Variants in FHIP1A observed in about 807,000 individuals in gnomAD.
The protein encoded by FHIP1A is FHF complex subunit HOOK interacting protein 1A.
FHIP1A carries 61 observed loss-of-function variants against 88.6 expected under a neutral mutation model. The observed-to-expected ratio is 0.69, with a 90% CI of 0.56 to 0.85. The LOEUF is 0.85. Ranked by LOEUF, FHIP1A falls within the 40% of genes least tolerant of loss-of-function variation. The pLI, the probability that FHIP1A is intolerant of heterozygous loss-of-function variation, is 0.00. For missense variants in FHIP1A, 1,154 were observed against 1,273.5 expected (o/e 0.91, Z 1.43); for synonymous variants, 478 against 496.0 (o/e 0.96, Z 0.48).
intron 7 of FHIP1A, among the ~76,000 whole-genome samples, chr4:151,589,671 CCCACCATT>C (rs1734351114): frequency 6.6e-6 from 1 of 152,138 alleles, no homozygotes; most frequent in Non-Finnish European, 1.5e-5. Context: ...TGATGGAATG[CCCACCATT>C]CTGCATCCTG....
At chr4:151,426,391 A>T (rs1235125505) in intron 1 of FHIP1A, among the ~76,000 whole-genome samples, 1 of 152,164 alleles carries the variant, frequency 6.6e-6, no homozygotes, top group African/African-American at 2.4e-5. Flanking sequence ...GACTGCAGAT[A>T]TCCTGGCTAA....
At chr4:151,574,637 C>G (rs1311140416) in intron 4 of FHIP1A, among the ~76,000 whole-genome samples, 1 of 151,848 alleles carries the variant, frequency 6.6e-6, no homozygotes, top group East Asian at 1.9e-4. Context: ...CTTTTTTGGG[C>G]ATTAGTACAT....
At chr4:151,538,675 C>G (rs1732158724) in intron 3 of FHIP1A, among the ~76,000 whole-genome samples, 1 of 152,132 alleles carries the variant, frequency 6.6e-6, no homozygotes, top group Non-Finnish European at 1.5e-5. Context: ...TCTGGTGTTG[C>G]CAGAAACTAA....
rs1243769317 is a variant in FHIP1A, at chr4:151,650,336, C to T, written c.2295C>T (p.Gly765=). ...AAATCATTAAAGAGCTGGATTCCGG[C>T]GCCGAGGGCTTGATGGAACAGAATT... is the stretch of plus-strand genomic sequence containing the variant. The part of the protein sequence containing the change: ...YDQIIKELDS[G]AEGLMEQNYP... Residue 765 remains glycine, a synonymous_variant, in exon 11 of 14, where the codon GGC becomes GGT. Coordinates refer to ENST00000435205, the MANE Select transcript of FHIP1A (RefSeq NM_001109977.3). 24 of 1,551,552 alleles carry T rather than the reference C, an allele frequency of 1.5e-5. No individual in the cohort carries two copies. Among genetic ancestry groups the T allele is most frequent in the East Asian group, 4.9e-5 (2 of 40,914 alleles).
At chr4:151,467,729 A>G (rs1341906575) in intron 2 of FHIP1A, among the ~76,000 whole-genome samples, 1 of 152,154 alleles carries the variant, frequency 6.6e-6, no homozygotes, top group Non-Finnish European at 1.5e-5. Flanking sequence ...TAACACAGGA[A>G]CAGAAAATCA....
At chr4:151,660,983 T>A (rs1194734617) in intron 13 of FHIP1A, among the ~76,000 whole-genome samples, 2 of 152,248 alleles carry the variant, frequency 1.3e-5, no homozygotes, top group East Asian at 3.8e-4. Context: ...AGTGGCAGAC[T>A]CTGTGGTCTT....
intron 5 of FHIP1A, among the ~76,000 whole-genome samples, chr4:151,580,166 A>G (rs775142916): frequency 6.6e-5 from 10 of 152,206 alleles, no homozygotes; most frequent in African/African-American, 9.7e-5. Flanking sequence ...CCGTTAATAT[A>G]GTAACAACCT....
intron 5 of FHIP1A, among the ~76,000 whole-genome samples, chr4:151,585,278 A>G (rs1578784106): frequency 6.6e-6 from 1 of 152,026 alleles, no homozygotes; most frequent in East Asian, 1.9e-4. Context: ...CCCAGGCTCA[A>G]GGGATTCTCT....
chr4:151,429,679 T>C (rs1733519467), intron 1 of FHIP1A, among the ~76,000 whole-genome samples: 5 of 152,004 alleles, frequency 3.3e-5, no homozygotes, highest in Admixed American at 3.3e-4. Context: ...CGAAACTGTG[T>C]CTCTACTAAA....
At chr4:151,476,593 G>A (rs1729716711) in intron 2 of FHIP1A, among the ~76,000 whole-genome samples, 2 of 152,098 alleles carry the variant, frequency 1.3e-5, no homozygotes, top group African/African-American at 4.8e-5. Context: ...CCCAAAATAA[G>A]AATGTTTACT....
chr4:151,543,076 A>G (rs1371004817), intron 3 of FHIP1A, among the ~76,000 whole-genome samples: 1 of 152,006 alleles, frequency 6.6e-6, no homozygotes, highest in East Asian at 1.9e-4. Context: ...CTGTTCTGAA[A>G]CTCTTTCCTA....
At chr4:151,443,682 ACT>A (rs1491226128) in intron 1 of FHIP1A, among the ~76,000 whole-genome samples, 1 of 40,934 alleles carries the variant, frequency 2.4e-5, no homozygotes, top group East Asian at 6.3e-4. Context: ...TAAATGAAGC[ACT>A]CTGTGTGTGT....
intron 7 of FHIP1A, among the ~76,000 whole-genome samples, chr4:151,596,765 CA>C (rs1472991391): frequency 1.2e-4 from 18 of 152,186 alleles, no homozygotes; most frequent in African/African-American, 4.3e-4. Context: ...TGCTTTATTT[CA>C]TTAAGTTGAT....
intron 13 of FHIP1A, among the ~76,000 whole-genome samples, chr4:151,660,231 A>G (rs920637467): frequency 1.3e-5 from 2 of 152,226 alleles, no homozygotes; most frequent in Non-Finnish European, 2.9e-5. Flanking sequence ...GAATCATGCT[A>G]TGGATCTCCC....
intron 7 of FHIP1A, among the ~76,000 whole-genome samples, chr4:151,602,199 C>T (rs1734897990): frequency 2.6e-5 from 4 of 152,122 alleles, no homozygotes; most frequent in Admixed American, 2.6e-4. Context: ...CCTCCTCTTT[C>T]CTCCTTACAG....
chr4:151,535,175 C>T (rs1301528281), intron 3 of FHIP1A, among the ~76,000 whole-genome samples: 2 of 152,074 alleles, frequency 1.3e-5, no homozygotes, highest in African/African-American at 4.8e-5. Flanking sequence ...GTGATTGTGC[C>T]ACTGCACTCC....
chr4:151,422,597 G>A (rs530573431), intron 1 of FHIP1A, among the ~76,000 whole-genome samples: 3 of 152,192 alleles, frequency 2.0e-5, no homozygotes, highest in South Asian at 2.1e-4. Flanking sequence ...TGCCATGTTG[G>A]CCAGGCTGGT....
At chr4:151,500,400 C>CT (rs1433601745) in intron 3 of FHIP1A, among the ~76,000 whole-genome samples, 2 of 129,190 alleles carry the variant, frequency 1.5e-5, no homozygotes, top group Non-Finnish European at 3.2e-5. Context: ...AGAGAATTCT[C>CT]TTTTTTATTC....
At chr4:151,594,407 G>C (rs758060828) in intron 7 of FHIP1A, among the ~76,000 whole-genome samples, 38 of 151,738 alleles carry the variant, frequency 2.5e-4, no homozygotes, top group Non-Finnish European at 4.9e-4. Flanking sequence ...TAGTTAACTT[G>C]TTATTGGTCT....
Sources: allele counts gnomAD v4.1 joint callset (sites outside exome capture counted in the v4.1 genomes callset), GRCh38; gene constraint gnomAD v4.1.1; transcripts MANE v1.5; gene names NCBI Gene and HGNC (gene_info 2026-07-23, HGNC 2026-07-21).